LARGE1: variants seen among roughly 807,000 people sequenced by gnomAD.
LARGE1 encodes LARGE xylosyl- and glucuronyltransferase 1, also known as xylosyl- and glucuronyltransferase LARGE1.
Under a neutral mutation model 87.6 loss-of-function variants are expected in LARGE1, and 43 were observed. The ratio of observed to expected loss-of-function variants is 0.49; its 90% CI spans 0.38 to 0.63. The LOEUF is 0.63. Among genes scored for constraint, LARGE1 ranks in the 30% least tolerant of loss-of-function variants. The pLI is 0.00. For synonymous variants in LARGE1, 434 were observed against 394.6 expected, an observed-to-expected ratio of 1.10 and a Z score of -1.18; for missense variants, 802 against 1,000.2, an observed-to-expected ratio of 0.80 and a Z score of 2.67.
chr22:33,405,407 C>A (rs939855518), intron 7 of LARGE1, among the ~76,000 whole-genome samples: 2 of 152,334 alleles, frequency 1.3e-5, no homozygotes, highest in South Asian at 4.1e-4. Flanking sequence ...TGGCTGGCTT[C>A]AGGACACGCT....
intron 11 of LARGE1, among the ~76,000 whole-genome samples, chr22:33,192,668 G>A (rs1255828384): frequency 2.0e-5 from 3 of 152,036 alleles, no homozygotes; most frequent in Non-Finnish European, 4.4e-5. Flanking sequence ...AAGCTTTTTA[G>A]TTTGATGAAA....
At chr22:33,131,745 T>C in the LARGE1 span, among the ~76,000 whole-genome samples, 1 of 152,048 alleles carries the variant, frequency 6.6e-6, no homozygotes, top group African/African-American at 2.4e-5. Context: ...ATGGGAATTA[T>C]GGGAGCTACA....
At chr22:33,389,851 C>A (rs896766094) in intron 7 of LARGE1, among the ~76,000 whole-genome samples, 19 of 47,290 alleles carry the variant, frequency 4.0e-4, no homozygotes, top group East Asian at 2.6e-3. Flanking sequence ...TCTCAAAAAC[C>A]AACCAACCAA....
At chr22:33,154,353 G>T in the LARGE1 span, among the ~76,000 whole-genome samples, 3 of 152,070 alleles carry the variant, frequency 2.0e-5, no homozygotes, top group African/African-American at 7.2e-5. Flanking sequence ...CGATTCTCCT[G>T]CCTCAGCCTC....
chr22:33,445,936 C>T (rs909138249), intron 6 of LARGE1, among the ~76,000 whole-genome samples: 1 of 152,170 alleles, frequency 6.6e-6, no homozygotes, highest in African/African-American at 2.4e-5. Context: ...AGGCGTGAGC[C>T]ACTGCACCCG....
chr22:33,487,757 T>C (rs2069650029), intron 6 of LARGE1, among the ~76,000 whole-genome samples: 1 of 152,130 alleles, frequency 6.6e-6, no homozygotes, highest in Admixed American at 6.5e-5. Context: ...CACACCGACA[T>C]GGGCAAGGAA....
intron 2 of LARGE1, among the ~76,000 whole-genome samples, chr22:33,667,144 C>T (rs909576632): frequency 3.3e-5 from 5 of 152,210 alleles, no homozygotes; most frequent in Non-Finnish European, 7.3e-5. Flanking sequence ...CACACACCCT[C>T]GCATATACAC....
chr22:33,885,994 C>A (rs1297140229), intron 1 of LARGE1, among the ~76,000 whole-genome samples: 2 of 151,946 alleles, frequency 1.3e-5, no homozygotes, highest in Non-Finnish European at 2.9e-5. Flanking sequence ...CATGCCGTGG[C>A]ACTGCAGCCT....
chr22:33,492,802 A>C (rs1188653895), intron 6 of LARGE1, among the ~76,000 whole-genome samples: 1 of 152,196 alleles, frequency 6.6e-6, no homozygotes, highest in Non-Finnish European at 1.5e-5. Flanking sequence ...ACATGTTTTA[A>C]ATTACTTTCA....
At chr22:33,462,085 C>T (rs1190931140) in intron 6 of LARGE1, among the ~76,000 whole-genome samples, 2 of 152,140 alleles carry the variant, frequency 1.3e-5, no homozygotes, top group African/African-American at 4.8e-5. Context: ...GATAACCATA[C>T]AGATTATACA....
intron 11 of LARGE1, among the ~76,000 whole-genome samples, chr22:33,174,919 A>T (rs568033488): frequency 6.6e-6 from 1 of 152,350 alleles, no homozygotes; most frequent in South Asian, 2.1e-4. Context: ...AGGAGCTGGT[A>T]CCATTCCTTC....
chr22:33,167,641 G>T (rs1922344076), intron 11 of LARGE1, among the ~76,000 whole-genome samples: 1 of 152,162 alleles, frequency 6.6e-6, no homozygotes, highest in South Asian at 2.1e-4. Flanking sequence ...CAACCAGATT[G>T]CTAGTTAAAA....
the LARGE1 span, among the ~76,000 whole-genome samples, chr22:33,121,497 T>C: frequency 5.9e-5 from 9 of 152,206 alleles, no homozygotes; most frequent in Non-Finnish European, 1.2e-4. Flanking sequence ...AACCTGGGAA[T>C]ACAAATATGG....
chr22:33,140,316 A>AC, the LARGE1 span, among the ~76,000 whole-genome samples: 27 of 149,380 alleles, frequency 1.8e-4, no homozygotes, highest in African/African-American at 6.3e-4. Flanking sequence ...ATCATACAGA[A>AC]CAGTGGGTGC....
intron 7 of LARGE1, among the ~76,000 whole-genome samples, chr22:33,428,465 C>A (rs1252651496): frequency 6.6e-6 from 1 of 151,532 alleles, no homozygotes; most frequent in African/African-American, 2.4e-5. Context: ...AGGCACACAC[C>A]ACCATGCCCA....
At chr22:33,918,773 G>A (rs2065858606) in intron 1 of LARGE1, among the ~76,000 whole-genome samples, 1 of 152,138 alleles carries the variant, frequency 6.6e-6, no homozygotes, top group Non-Finnish European at 1.5e-5. Flanking sequence ...CGAGGTGACT[G>A]CCTCCACGGA....
At chr22:33,920,709 G>A (rs899883648), upstream of LARGE1, among the ~76,000 whole-genome samples, 4 of 145,314 alleles carry the variant, frequency 2.8e-5, no homozygotes, top group African/African-American at 9.8e-5. Flanking sequence ...GGTGCGGGGA[G>A]CCGAGGCGGG....
At chr22:33,916,189 G>A (rs1346284357) in intron 1 of LARGE1, among the ~76,000 whole-genome samples, 1 of 152,094 alleles carries the variant, frequency 6.6e-6, no homozygotes, top group Non-Finnish European at 1.5e-5. Context: ...GCTGAGGCAG[G>A]AGAATTGCTT....
chr22:33,647,517 T>C (rs1416011093), intron 3 of LARGE1, among the ~76,000 whole-genome samples: 1 of 152,196 alleles, frequency 6.6e-6, no homozygotes, highest in Non-Finnish European at 1.5e-5. Flanking sequence ...ACCTTGGGAA[T>C]GTCAATCAAG....
Sources: allele counts gnomAD v4.1 joint callset (sites outside exome capture counted in the v4.1 genomes callset), GRCh38; gene constraint gnomAD v4.1.1; transcripts MANE v1.5; gene names NCBI Gene and HGNC (gene_info 2026-07-23, HGNC 2026-07-21).